The following CTNNA1 variants were observed in gnomAD, a reference collection of about 807,000 sequenced individuals.
CTNNA1 encodes catenin alpha-1.
A neutral mutation model predicts 98.4 loss-of-function variants in CTNNA1; 37 were observed. The ratio of observed to expected loss-of-function variants is 0.38; its 90% CI spans 0.29 to 0.49. The LOEUF is 0.49. CTNNA1 is among the 20% of genes least tolerant of loss of function. CTNNA1 has a pLI of 0.95. For synonymous variants in CTNNA1, 404 were observed against 413.2 expected (o/e 0.98, Z 0.27); for missense variants, 761 against 1,147.2 (o/e 0.66, Z 4.86).
intron 5 of CTNNA1, among the ~76,000 whole-genome samples, chr5:138,819,522 C>T (rs1039287666): frequency 6.6e-6 from 1 of 152,152 alleles, no homozygotes; most frequent in Admixed American, 6.5e-5. Flanking sequence ...TGGTTTAGGG[C>T]ACCAGTTCCC....
chr5:138,912,389 G>C (rs903978396), intron 10 of CTNNA1, among the ~76,000 whole-genome samples: 4 of 152,102 alleles, frequency 2.6e-5, no homozygotes, highest in Non-Finnish European at 5.9e-5. Context: ...AAGAAGATGA[G>C]AGAGCAAAGG....
chr5:138,761,254 A>G (rs1378122224), intron 1 of CTNNA1, among the ~76,000 whole-genome samples: 1 of 152,018 alleles, frequency 6.6e-6, no homozygotes, highest in African/African-American at 2.4e-5. Flanking sequence ...ATTTTTTTTG[A>G]GACAGAGTCT....
chr5:138,787,715 GCAAT>G, intron 3 of CTNNA1, among the ~76,000 whole-genome samples: 1 of 152,278 alleles, frequency 6.6e-6, no homozygotes, highest in Non-Finnish European at 1.5e-5. Context: ...TGCTTCCCGT[GCAAT>G]CATAATAACC....
At chr5:138,927,431 TG>T (rs1314280905) in intron 13 of CTNNA1, among the ~76,000 whole-genome samples, 1 of 152,172 alleles carries the variant, frequency 6.6e-6, no homozygotes, top group East Asian at 1.9e-4. Flanking sequence ...CGCAGTTCCC[TG>T]GGCCAATGCC....
In CTNNA1 at chr5:138,904,520, G is replaced by A. The variant is rs1758749927; in HGVS notation, c.1389+79G>A. The A allele has an allele frequency of 7.8e-6, 12 of 1,532,746 alleles. No individual in the cohort carries two copies. In the East Asian group the frequency reaches 1.8e-4, roughly 23 times the overall value. The allele number at this position is 1,532,746 out of a possible 1,614,324, so 94.9% of individuals were successfully genotyped here. On this transcript the variant is annotated intron_variant, in intron 10 of 17. Transcript: ENST00000302763. ...GTGGAGATGAGGTTTATTTTGTTAA[G>A]TTTTGTTTTGTTTTTAGGATTTTAG... is the stretch of plus-strand genomic sequence containing the variant.
intron 3 of CTNNA1, among the ~76,000 whole-genome samples, chr5:138,809,628 CA>C (rs1160662126): frequency 6.6e-6 from 1 of 152,094 alleles, no homozygotes; most frequent in Non-Finnish European, 1.5e-5. Flanking sequence ...GGTGGTTCTG[CA>C]TAATTGTGGC....
At position 138,782,602 on chromosome 5, in the gene CTNNA1, C is replaced by T. The variant is rs187945681; in HGVS notation, c.105+573C>T. 3.1e-3 allele frequency among the ~76,000 whole-genome samples: 473 copies of T among 152,298 alleles called. 2 individuals carry two copies. Among genetic ancestry groups the T allele is most frequent in the African/African-American group, 0.011 (447 of 41,560 alleles). On this transcript the variant is annotated intron_variant, in intron 2 of 17. Transcript: ENST00000302763. ...TTACACTATAACATATATTCATCAT[C>T]TTTAACCTAGAGATAATCTGGTATT...
At chr5:138,895,932 A>G (rs1039250338) in intron 9 of CTNNA1, among the ~76,000 whole-genome samples, 3 of 152,194 alleles carry the variant, frequency 2.0e-5, no homozygotes, top group African/African-American at 7.2e-5. Flanking sequence ...TGATAGAAAT[A>G]CTTTTCTCCC....
chr5:138,841,767 G>A (rs1187945251), intron 7 of CTNNA1, among the ~76,000 whole-genome samples: 1 of 152,182 alleles, frequency 6.6e-6, no homozygotes, highest in Non-Finnish European at 1.5e-5. Context: ...GTTTTGAAAT[G>A]ATTGGCCTCC....
intron 1 of CTNNA1, 196 bp downstream of exon 1, chr5:138,753,706 C>T (rs1381211305): frequency 9.2e-6 from 3 of 325,048 alleles, no homozygotes; most frequent in East Asian, 4.7e-5. Flanking sequence ...GTCCCTTCCC[C>T]CGCAGGGCCC....
chr5:138,771,491 C>A (rs1753549093), intron 1 of CTNNA1, among the ~76,000 whole-genome samples: 1 of 152,098 alleles, frequency 6.6e-6, no homozygotes, highest in South Asian at 2.1e-4. Context: ...AAGTGATTCT[C>A]CCATCTCAGC....
chr5:138,773,061 A>G (rs1350791404), intron 1 of CTNNA1, among the ~76,000 whole-genome samples: 2 of 152,232 alleles, frequency 1.3e-5, no homozygotes, highest in Non-Finnish European at 2.9e-5. Flanking sequence ...CCAGAAGCTG[A>G]TGTTTCAAGT....
At chr5:138,806,481 C>A (rs1165737994) in intron 3 of CTNNA1, among the ~76,000 whole-genome samples, 1 of 151,984 alleles carries the variant, frequency 6.6e-6, no homozygotes, top group African/African-American at 2.4e-5. Flanking sequence ...CAAAGGTGAT[C>A]AGATCTTTTG....
chr5:138,874,274 T>G lies in CTNNA1; in HGVS notation c.1063-11938T>G. 6.2e-7 allele frequency: 1 copy of G among 1,614,058 alleles called. No homozygotes were observed. Among genetic ancestry groups the G allele is most frequent in the Non-Finnish European group, 8.5e-7 (1 of 1,179,902 alleles). On this transcript the variant is annotated intron_variant, in intron 7 of 17. Transcript: ENST00000302763. The surrounding 1 kb of genome is among the most constrained non-coding windows in gnomAD (Gnocchi z 4.1). ...AGCATCTTCTTTTACTGTTGAAATT[T>G]GATTGTGATCTAAGTGGAGCCAAGT...
At position 138,930,550 on chromosome 5, in the gene CTNNA1, C is replaced by T. The variant is rs374876214; in HGVS notation, c.2088C>T (p.Ser696=). 9.3e-6 allele frequency: 15 copies of T among 1,613,726 alleles called. No individual in the cohort carries two copies. Among genetic ancestry groups the T allele is most frequent in the African/African-American group, 1.3e-5 (1 of 74,896 alleles). ...TGGCCAGCTTCCAGGAAGAAAAGAG[C>T]AAGCTGGATGCTGAAGTGTCCAAAT... The part of the protein sequence containing the change: ...EQVASFQEEK[S]KLDAEVSKWD... The change falls in exon 15 of 18, where the codon AGC becomes AGT. Residue 696 remains serine, a synonymous_variant. Transcript: ENST00000302763.
intron 7 of CTNNA1, among the ~76,000 whole-genome samples, chr5:138,863,226 T>TAA (rs1554091542): frequency 6.6e-6 from 1 of 151,184 alleles, no homozygotes; most frequent in African/African-American, 2.4e-5. Context: ...TCATCTTTTT[T>TAA]TATATATATA....
chr5:138,765,744 A>G (rs1045555788), intron 1 of CTNNA1, among the ~76,000 whole-genome samples: 7 of 151,662 alleles, frequency 4.6e-5, no homozygotes, highest in Non-Finnish European at 8.8e-5. Context: ...AGGTCAAGAG[A>G]TCGAGACCAT....
At chr5:138,773,475 A>G (rs1220101826) in intron 1 of CTNNA1, among the ~76,000 whole-genome samples, 1 of 152,192 alleles carries the variant, frequency 6.6e-6, no homozygotes, top group African/African-American at 2.4e-5. Context: ...AGAACAGGGC[A>G]AGAAGTAAGT....
chr5:138,798,641 T>G lies in CTNNA1; in HGVS notation c.302-11397T>G, dbSNP rs533283490. 1.7e-4 allele frequency among the ~76,000 whole-genome samples: 26 copies of G among 152,312 alleles called. No individual in the cohort carries two copies. The Middle Eastern group carries it at 0.014, about 80-fold the overall frequency. ...TCTTCTCCTAATAAAGAATTGTGGGTTTTTTTGTTTGTTTGTTTACTTTAT... is the reference window on the plus strand; with the variant it reads ...TCTTCTCCTAATAAAGAATTGTGGGGTTTTTTGTTTGTTTGTTTACTTTAT... On this transcript the variant is annotated intron_variant, in intron 3 of 17. Transcript: ENST00000302763.
Sources: gnomAD v4.1 joint callset for allele counts (sites outside exome capture counted in the v4.1 genomes callset) on GRCh38, gnomAD v4.1.1 for gene constraint, Gnocchi (gnomAD v3.1) non-coding constraint, MANE v1.5 for transcripts, NCBI Gene and HGNC (gene_info 2026-07-23, HGNC 2026-07-21) for gene names.